Variants in SBNO1 observed in about 807,000 individuals in gnomAD.
The protein encoded by SBNO1 is strawberry notch homolog 1, also known as protein strawberry notch homolog 1.
Under a neutral mutation model 173.6 loss-of-function variants are expected in SBNO1, and 23 were observed. The observed-to-expected ratio is 0.13, with a 90% CI of 0.10 to 0.19. SBNO1 has a LOEUF of 0.19. Ranked by LOEUF, SBNO1 falls within the 10% of genes least tolerant of loss-of-function variation. The probability of loss-of-function intolerance (pLI) is 1.00; values close to 1 mark genes in which losing one functional copy is unlikely to be tolerated. For synonymous variants in SBNO1, 632 were observed against 571.5 expected (o/e 1.11, Z -1.51); for missense variants, 1,238 against 1,671.2 (o/e 0.74, Z 4.52).
rs147232291 is a variant in SBNO1 at position 123,345,432 on chromosome 12, T to C, written c.376A>G (p.Thr126Ala). 1.9e-6 allele frequency: 3 copies of C among 1,614,192 alleles called. No homozygotes were observed. ...QTITLTKFIQ[T>A]TASTRPSVSA... ...ACTGACGGGCGTGTGCTTGCAGTAG[T>C]CTGGATAAACTTAGTTAAAGTGATG... Residue 126 changes from threonine (T) to alanine (A), a missense_variant, in exon 4 of 32, where the codon ACT (threonine) becomes GCT (alanine). By Grantham distance (58) the Thr-to-Ala change is moderately conservative. This residue lies in a region of SBNO1 where 287 missense variants were observed against 274.1 expected (regional missense o/e 1.05). Transcript: ENST00000602398.
intron 3 of SBNO1, 112 bp from the exon 4 acceptor site, chr12:123,345,682 C>CTT (rs569051179): frequency 3.2e-5 from 23 of 720,558 alleles, no homozygotes; most frequent in African/African-American, 3.7e-5. Flanking sequence ...TTTATTATTG[C>CTT]TTTTTTTTTT....
chr12:123,331,722 A>G (rs1027880303), intron 7 of SBNO1, among the ~76,000 whole-genome samples: 17 of 151,642 alleles, frequency 1.1e-4, no homozygotes, highest in African/African-American at 2.9e-4. Flanking sequence ...GGGTTTCACC[A>G]TGTTAGCCAG....
In SBNO1 at chr12:123,290,083, A is replaced by T. The variant is rs1163451719; in HGVS notation, c.*5825T>A. 6.6e-6 allele frequency: 1 copy of T among 152,244 alleles called. No individual in the cohort carries two copies. The highest frequency in any genetic ancestry group is 2.4e-5 in the African/African-American group (1 of 41,456). 9.4% of individuals were successfully genotyped at this position (152,244 alleles called of 1,614,324 possible). On this transcript the variant is annotated 3_prime_UTR_variant, in exon 32 of 32. Coordinates refer to ENST00000602398, the MANE Select transcript of SBNO1 (RefSeq NM_001167856.3). ...TTTGGGCTTCTTCTTTTCCTTGCTT[A>T]GCCCTGCACTAAGGGGCAGTCTTGC...
intron 20 of SBNO1, among the ~76,000 whole-genome samples, chr12:123,319,243 G>A (rs1448768857): frequency 1.3e-5 from 2 of 152,082 alleles, no homozygotes; most frequent in African/African-American, 4.8e-5. Flanking sequence ...GGGATTACAG[G>A]CGTGAGCCAC....
intron 1 of SBNO1, among the ~76,000 whole-genome samples, chr12:123,361,794 T>C (rs908073576): frequency 6.6e-6 from 1 of 150,732 alleles, no homozygotes; most frequent in Non-Finnish European, 1.5e-5. Flanking sequence ...AATGAATGAA[T>C]AGTAGGCCAC....
chr12:123,330,179 A>G (rs1265881123), intron 9 of SBNO1, among the ~76,000 whole-genome samples: 2 of 152,232 alleles, frequency 1.3e-5, no homozygotes, highest in African/African-American at 4.8e-5. Flanking sequence ...GCACATCTCA[A>G]TTTGGACTGG....
chr12:123,319,831 T>C, intron 20 of SBNO1, 69 bp downstream of exon 20: 2 of 1,394,472 alleles, frequency 1.4e-6, no homozygotes, highest in Non-Finnish European at 2.0e-6. Flanking sequence ...GGAAAAAGAC[T>C]CTTCTAAAGC....
Position 123,297,567 on chromosome 12 carries a change from T to C in SBNO1, c.4039+411A>G, listed in dbSNP as rs925873474. ...CCTGTAGTTGAGCACACGGTGAGAA[T>C]AGCTGGCCTAGTCTACCCTTGCTCC... is the stretch of plus-strand genomic sequence containing the variant. On this transcript the variant is annotated intron_variant, in intron 31 of 31. Coordinates refer to ENST00000602398, the MANE Select transcript of SBNO1 (RefSeq NM_001167856.3). 2.6e-5 allele frequency among the ~76,000 whole-genome samples: 4 copies of C among 152,110 alleles called. No homozygotes were observed. The South Asian group carries it at 6.2e-4, about 24-fold the overall frequency.
chr12:123,311,696 C>CTATG (rs1425952383), intron 24 of SBNO1, among the ~76,000 whole-genome samples: 4 of 62,222 alleles, frequency 6.4e-5, no homozygotes, highest in African/African-American at 2.5e-4. Context: ...AGTAACCTAT[C>CTATG]TATCTATCTA....
At chr12:123,349,483 G>A (rs938103679) in intron 2 of SBNO1, among the ~76,000 whole-genome samples, 5 of 149,382 alleles carry the variant, frequency 3.3e-5, no homozygotes, top group African/African-American at 1.3e-4. Flanking sequence ...CAACTATTAA[G>A]GAAATTAAAG....
chr12:123,315,921 T>C (rs1450885258), intron 21 of SBNO1, among the ~76,000 whole-genome samples: 1 of 152,170 alleles, frequency 6.6e-6, no homozygotes, highest in East Asian at 1.9e-4. Context: ...TTTCAAATCA[T>C]TGGTCACAAG....
intron 1 of SBNO1, among the ~76,000 whole-genome samples, chr12:123,360,009 G>C (rs1258203217): frequency 6.6e-6 from 1 of 152,106 alleles, no homozygotes; most frequent in Non-Finnish European, 1.5e-5. Flanking sequence ...GGGAGGCCAA[G>C]CCGGTTGGTC....
chr12:123,316,723 G>C (rs943094524), intron 21 of SBNO1, among the ~76,000 whole-genome samples: 4 of 115,536 alleles, frequency 3.5e-5, no homozygotes, highest in African/African-American at 1.2e-4. Context: ...TTTTTTTTGA[G>C]ATGGAATCTC....
chr12:123,347,537 G>GT (rs754616796), intron 3 of SBNO1, among the ~76,000 whole-genome samples: 1 of 140,960 alleles, frequency 7.1e-6, no homozygotes. Flanking sequence ...CTTTTTTTAT[G>GT]TTTTTTGAGA....
At chr12:123,362,101 C>A (rs1280928273) in intron 1 of SBNO1, among the ~76,000 whole-genome samples, 2 of 150,648 alleles carry the variant, frequency 1.3e-5, no homozygotes, top group Non-Finnish European at 2.9e-5. Context: ...GGTTATGACA[C>A]CGCACTCCAG....
intron 28 of SBNO1, among the ~76,000 whole-genome samples, chr12:123,305,422 A>G (rs1176897254): frequency 1.3e-5 from 2 of 152,186 alleles, no homozygotes; most frequent in African/African-American, 4.8e-5. Flanking sequence ...TGGAGGTAAA[A>G]ATGGAAGAAA....
chr12:123,357,281 ATC>A (rs926643635), intron 1 of SBNO1, among the ~76,000 whole-genome samples: 11 of 151,814 alleles, frequency 7.2e-5, no homozygotes, highest in African/African-American at 2.7e-4. Context: ...GTGAAACACC[ATC>A]TCTACTAAAA....
chr12:123,301,332 A>C (rs1182313266), intron 30 of SBNO1, among the ~76,000 whole-genome samples: 2 of 152,166 alleles, frequency 1.3e-5, no homozygotes, highest in African/African-American at 4.8e-5. Flanking sequence ...TTTATCTTAC[A>C]GATTTTTTCT....
intron 30 of SBNO1, 98 bp downstream of exon 30, chr12:123,302,726 G>T: frequency 1.3e-6 from 1 of 796,974 alleles, no homozygotes; most frequent in Non-Finnish European, 2.2e-6. Context: ...TACTTAATCT[G>T]TTAGTTAATT....
Sources: gnomAD v4.1 joint callset for allele counts (sites outside exome capture counted in the v4.1 genomes callset) on GRCh38, gnomAD v4.1.1 for gene constraint, gnomAD v4.1.1 regional missense constraint, MANE v1.5 for transcripts, NCBI Gene and HGNC (gene_info 2026-07-23, HGNC 2026-07-21) for gene names.